AHCY: variants seen among roughly 807,000 people sequenced by gnomAD.
AHCY encodes the protein S-adenosyl-L-homocysteine hydrolase.
In AHCY, 24 loss-of-function variants were observed where a neutral mutation model predicts 45.4. The ratio of observed to expected loss-of-function variants is 0.53; its 90% confidence interval spans 0.38 to 0.74. The LOEUF (loss-of-function observed/expected upper bound fraction) is 0.74. Among genes scored for constraint, AHCY ranks in the 30% least tolerant of loss-of-function variants. The pLI is 0.00. For missense variants in AHCY, 449 were observed against 594.1 expected, an observed-to-expected ratio of 0.76 and a Z score of 2.54; for synonymous variants, 245 against 235.1, an observed-to-expected ratio of 1.04 and a Z score of -0.39.
the AHCY span, among the ~76,000 whole-genome samples, chr20:34,251,595 C>T: frequency 6.6e-6 from 1 of 152,188 alleles, no homozygotes; most frequent in Non-Finnish European, 1.5e-5. Flanking sequence ...ACTATTTAAG[C>T]TGCCCAGTGG....
the AHCY span, among the ~76,000 whole-genome samples, chr20:34,272,019 C>T: frequency 6.9e-6 from 1 of 145,782 alleles, no homozygotes; most frequent in East Asian, 2.0e-4. Flanking sequence ...TTGGGGACCT[C>T]AAAGGAAAGA....
chr20:34,284,592 G>A (rs193266970), intron 9 of AHCY, among the ~76,000 whole-genome samples: 13 of 152,214 alleles, frequency 8.5e-5, no homozygotes, highest in African/African-American at 2.6e-4. Context: ...TGGCCGAGGC[G>A]GGTGGATCAC....
At chr20:34,302,018 TG>T (rs1338015327) in intron 1 of AHCY, 9 of 982,038 alleles carry the variant, frequency 9.2e-6, no homozygotes, top group East Asian at 1.1e-4. Flanking sequence ...TTTTTTTTTT[TG>T]AGACAGGGTC....
the AHCY span, among the ~76,000 whole-genome samples, chr20:34,274,012 T>C: frequency 7.9e-5 from 12 of 152,308 alleles, no homozygotes; most frequent in East Asian, 2.3e-3. Flanking sequence ...ACAATTATTA[T>C]GCCTTCTTTT....
chr20:34,244,437 A>T, the AHCY span, among the ~76,000 whole-genome samples: 8 of 152,310 alleles, frequency 5.3e-5, no homozygotes, highest in Non-Finnish European at 1.2e-4. Context: ...CACTCAGAAC[A>T]ATGATGATGA....
chr20:34,295,172 T>A, intron 2 of AHCY: 2 of 653,438 alleles, frequency 3.1e-6, no homozygotes, highest in South Asian at 1.7e-5. Flanking sequence ...GCCTTGAGGG[T>A]AGCCAACAGT....
chr20:34,289,335 G>A (rs564227264), intron 8 of AHCY, among the ~76,000 whole-genome samples: 14 of 152,080 alleles, frequency 9.2e-5, no homozygotes, highest in Admixed American at 3.3e-4. Context: ...CACCACACCC[G>A]GCTAACTTCT....
Position 34,290,510 on chromosome 20 carries a change from C to A in AHCY, c.854+41G>T, listed in dbSNP as rs2036340744. 1 of 1,613,732 alleles carries A rather than the reference C, an allele frequency of 6.2e-7. No homozygotes were observed. Among genetic ancestry groups the A allele is most frequent in the African/African-American group, 1.3e-5 (1 of 74,922 alleles). On this transcript the variant is annotated intron_variant, in intron 7 of 9. Transcript: ENST00000217426. The surrounding 1 kb of genome is among the most constrained non-coding windows in gnomAD (Gnocchi z 4.5). ...GGACAGAAAGCTGTCCCAACTCTGCCCTCCTCCCTCACTCCCCGGGACCCC... is the reference window on the plus strand; with the variant it reads ...GGACAGAAAGCTGTCCCAACTCTGCACTCCTCCCTCACTCCCCGGGACCCC...
chr20:34,269,410 C>CGCT, the AHCY span: 2 of 500,248 alleles, frequency 4.0e-6, no homozygotes, highest in Admixed American at 4.2e-5. Context: ...CGGAGTCCCG[C>CGCT]GCTGCTCTCC....
At chr20:34,244,447 A>C in the AHCY span, among the ~76,000 whole-genome samples, 3 of 152,212 alleles carry the variant, frequency 2.0e-5, no homozygotes, top group Non-Finnish European at 4.4e-5. Context: ...AATGATGATG[A>C]TTAATGTCTA....
chr20:34,289,378 T>C (rs1205354), intron 8 of AHCY, among the ~76,000 whole-genome samples: 113,829 of 151,022 alleles, frequency 0.75, 45,789 homozygotes, highest in Non-Finnish European at 0.89. Flanking sequence ...TTTCACTATG[T>C]TGGCCAGACT....
chr20:34,270,516 C>T, the AHCY span, among the ~76,000 whole-genome samples: 31 of 152,208 alleles, frequency 2.0e-4, no homozygotes, highest in Admixed American at 2.0e-3. Flanking sequence ...ACACTGTTCA[C>T]CAAGCAGGCA....
chr20:34,269,125 C>T, the AHCY span: 1,021 of 1,556,916 alleles, frequency 6.6e-4, 2 homozygotes, highest in Non-Finnish European at 8.1e-4. Context: ...GCCGCTTCTT[C>T]CGCAGCGCCT....
the AHCY span, among the ~76,000 whole-genome samples, chr20:34,267,463 A>C: frequency 2.0e-5 from 3 of 150,194 alleles, no homozygotes; most frequent in Admixed American, 6.6e-5. Context: ...GGCTCTCAAA[A>C]AAAAAAAAAA....
the AHCY span, among the ~76,000 whole-genome samples, chr20:34,244,065 A>AAAAC: frequency 3.9e-5 from 6 of 152,178 alleles, no homozygotes; most frequent in Non-Finnish European, 7.4e-5. Flanking sequence ...ACTCCATCTC[A>AAAAC]AAACAAACAA....
At chr20:34,291,762 C>G (rs559674609) in intron 4 of AHCY, among the ~76,000 whole-genome samples, 1 of 152,338 alleles carries the variant, frequency 6.6e-6, no homozygotes, top group East Asian at 1.9e-4. Flanking sequence ...CCCAGCTTCT[C>G]TATTCTCACT....
chr20:34,298,605 CGGGAGGGGGGG>C (rs1277214927), intron 1 of AHCY, among the ~76,000 whole-genome samples: 2 of 31,294 alleles, frequency 6.4e-5, no homozygotes, highest in East Asian at 2.5e-3. Context: ...GTGGCGGCGG[CGGGAGGGGGGG>C]GGGTGTCTCC....
At chr20:34,245,580 G>A in the AHCY span, among the ~76,000 whole-genome samples, 2 of 151,160 alleles carry the variant, frequency 1.3e-5, no homozygotes, top group African/African-American at 2.4e-5. Flanking sequence ...TGGTAGAGAC[G>A]GGGTTTCACC....
Position 34,309,260 on chromosome 20 carries a change from G to A in AHCY, c.-57+2212C>T, listed in dbSNP as rs539558670. Among the ~76,000 whole-genome samples, 9 of 152,112 alleles carry A rather than the reference G, an allele frequency of 5.9e-5. No homozygotes were observed. In the East Asian group the frequency reaches 9.7e-4, roughly 16 times the overall value. On this transcript the variant is annotated intron_variant, in intron 1 of 9. Transcript: ENST00000538132. ...CAGGCGTGAGCCACCACGCCTGGCCGGATTTATCTATTTCTATCTATTAGT... is the reference window on the plus strand; with the variant it reads ...CAGGCGTGAGCCACCACGCCTGGCCAGATTTATCTATTTCTATCTATTAGT...
Sources: allele counts gnomAD v4.1 joint callset (sites outside exome capture counted in the v4.1 genomes callset), GRCh38; gene constraint gnomAD v4.1.1; non-coding constraint Gnocchi (gnomAD v3.1); transcripts MANE v1.5; gene names NCBI Gene and HGNC (gene_info 2026-07-23, HGNC 2026-07-21).